The following COL26A1 variants were observed in gnomAD, a reference collection of about 807,000 sequenced individuals.
The protein encoded by COL26A1 is collagen type XXVI alpha 1 chain, also known as collagen alpha-1(XXVI) chain.
Under a neutral mutation model 59.3 loss-of-function variants are expected in COL26A1, and 41 were observed. The observed-to-expected ratio is 0.69, with a 90% CI of 0.54 to 0.90. The LOEUF (loss-of-function observed/expected upper bound fraction) is 0.90, where lower values mean the gene tolerates loss of function less well. COL26A1 is among the 40% of genes least tolerant of loss of function. COL26A1 has a pLI of 0.00. For missense variants in COL26A1, 612 were observed against 602.3 expected, an observed-to-expected ratio of 1.02 and a Z score of -0.17; for synonymous variants, 266 against 256.0, an observed-to-expected ratio of 1.04 and a Z score of -0.37.
At chr7:101,432,200 G>A (rs1221824231) in intron 2 of COL26A1, among the ~76,000 whole-genome samples, 1 of 152,050 alleles carries the variant, frequency 6.6e-6, no homozygotes, top group Non-Finnish European at 1.5e-5. Context: ...GACCTCAGGT[G>A]ATCCACCCGC....
intron 2 of COL26A1, among the ~76,000 whole-genome samples, chr7:101,437,736 C>T (rs1175698301): frequency 3.4e-5 from 5 of 147,494 alleles, no homozygotes; most frequent in Non-Finnish European, 7.4e-5. Flanking sequence ...CACTACACCC[C>T]ACTAATTTTT....
intron 3 of COL26A1, among the ~76,000 whole-genome samples, chr7:101,464,700 C>T (rs112399769): frequency 0.039 from 6,005 of 152,092 alleles, 187 homozygotes; most frequent in Middle Eastern, 0.061. Context: ...CTTGAGCTAC[C>T]GTGCCCGGCC....
At chr7:101,369,356 G>A (rs1791128801) in intron 1 of COL26A1, among the ~76,000 whole-genome samples, 1 of 151,096 alleles carries the variant, frequency 6.6e-6, no homozygotes, top group Non-Finnish European at 1.5e-5. Flanking sequence ...GCAGTGAGCT[G>A]AGATCACGTC....
intron 3 of COL26A1, among the ~76,000 whole-genome samples, chr7:101,518,249 C>A (rs1400753596): frequency 6.6e-6 from 1 of 152,176 alleles, no homozygotes; most frequent in African/African-American, 2.4e-5. Flanking sequence ...TGAGCCTTGA[C>A]CAGTGGGTGC....
intron 1 of COL26A1, among the ~76,000 whole-genome samples, chr7:101,364,569 T>G (rs1264105281): frequency 3.4e-5 from 1 of 29,802 alleles, no homozygotes; most frequent in East Asian, 1.8e-3. Context: ...TTGTGCTTTC[T>G]TTCTTTTTTT....
intron 1 of COL26A1, among the ~76,000 whole-genome samples, chr7:101,374,439 AGTGATAG>A (rs1290095521): frequency 5.3e-5 from 8 of 152,200 alleles, no homozygotes; most frequent in Non-Finnish European, 1.2e-4. Flanking sequence ...GCAGGAGGTG[AGTGATAG>A]GCGAAAAAGC....
intron 1 of COL26A1, among the ~76,000 whole-genome samples, chr7:101,411,037 G>C (rs1486607344): frequency 1.3e-5 from 2 of 152,206 alleles, no homozygotes; most frequent in East Asian, 3.9e-4. Flanking sequence ...GTGAGGGCAG[G>C]TGTGGTGCTG....
At chr7:101,489,550 C>T (rs986286176) in intron 3 of COL26A1, among the ~76,000 whole-genome samples, 2 of 152,158 alleles carry the variant, frequency 1.3e-5, no homozygotes, top group African/African-American at 4.8e-5. Context: ...CCTTCCTCAG[C>T]CTCCTAAGTA....
intron 7 of COL26A1, 82 bp from the exon 8 acceptor site, chr7:101,547,074 C>G: frequency 5.1e-6 from 5 of 988,240 alleles, no homozygotes; most frequent in Non-Finnish European, 7.5e-6. Flanking sequence ...TGGCCTGGCT[C>G]AGGGCTCAGT....
At chr7:101,374,352 T>C (rs1791260699) in intron 1 of COL26A1, among the ~76,000 whole-genome samples, 1 of 152,150 alleles carries the variant, frequency 6.6e-6, no homozygotes, top group Non-Finnish European at 1.5e-5. Flanking sequence ...GAGTGATCTA[T>C]GTAAAGCAGG....
At chr7:101,422,311 C>CAAAAAAAAAA (rs112095038) in intron 2 of COL26A1, among the ~76,000 whole-genome samples, 2 of 59,082 alleles carry the variant, frequency 3.4e-5, no homozygotes, top group Non-Finnish European at 4.0e-5. Flanking sequence ...AACTCCATCT[C>CAAAAAAAAAA]AAAAAAAAAA....
chr7:101,410,110 G>T (rs1196534782), intron 1 of COL26A1, among the ~76,000 whole-genome samples: 1 of 152,052 alleles, frequency 6.6e-6, no homozygotes, highest in Non-Finnish European at 1.5e-5. Context: ...CTAGGGAATG[G>T]GTGCTACTGA....
intron 3 of COL26A1, among the ~76,000 whole-genome samples, chr7:101,489,999 C>T (rs1306310347): frequency 2.0e-5 from 3 of 149,196 alleles, no homozygotes; most frequent in Non-Finnish European, 4.4e-5. Context: ...TGCAATGGCC[C>T]GATCTCGGCT....
chr7:101,429,474 G>A (rs911418532), intron 2 of COL26A1, among the ~76,000 whole-genome samples: 4 of 150,836 alleles, frequency 2.7e-5, no homozygotes, highest in Non-Finnish European at 1.5e-5. Flanking sequence ...ATTGATCTGT[G>A]TAACTAGTGT....
At chr7:101,549,899 T>G (rs1048578639) in intron 9 of COL26A1, among the ~76,000 whole-genome samples, 1 of 152,098 alleles carries the variant, frequency 6.6e-6, no homozygotes, top group Admixed American at 6.5e-5. Context: ...GAATTGCCCA[T>G]GGGGAGGCGG....
intron 1 of COL26A1, among the ~76,000 whole-genome samples, chr7:101,412,469 AC>A (rs1369674222): frequency 6.6e-6 from 1 of 151,828 alleles, no homozygotes; most frequent in Non-Finnish European, 1.5e-5. Flanking sequence ...ATATGGTGAA[AC>A]CCCCTCTCTA....
chr7:101,498,155 T>C (rs1489199889), intron 3 of COL26A1, among the ~76,000 whole-genome samples: 1 of 152,188 alleles, frequency 6.6e-6, no homozygotes, highest in Non-Finnish European at 1.5e-5. Flanking sequence ...ACTGGCCAGT[T>C]TGGCTATTGT....
At chr7:101,380,322 GTCTC>G (rs1472857358) in intron 1 of COL26A1, among the ~76,000 whole-genome samples, 2 of 139,308 alleles carry the variant, frequency 1.4e-5, no homozygotes, top group Non-Finnish European at 3.1e-5. Flanking sequence ...TTGAAACAGA[GTCTC>G]TCTCTGTCGC....
Position 101,544,074 on chromosome 7 carries a change from G to C in COL26A1, c.681G>C (p.Glu227Asp), listed in dbSNP as rs1795676526. The change falls in exon 6 of 13, where the codon GAG becomes GAC. Residue 227 changes from glutamate (E) to aspartate (D), a missense_variant. Coordinates refer to ENST00000313669, the MANE Select transcript of COL26A1 (RefSeq NM_001278563.3). ...GSKGDRGQTG[E>D]KGPAGPPGLL... ...AAGGTGACCGAGGCCAGACAGGAGAGAAGGGTCCAGCGGGGCCGCCTGGTA... is the reference window on the plus strand; with the variant it reads ...AAGGTGACCGAGGCCAGACAGGAGACAAGGGTCCAGCGGGGCCGCCTGGTA... 1 of 1,605,578 alleles carries C rather than the reference G, an allele frequency of 6.2e-7. No individual in the cohort carries two copies. Among genetic ancestry groups the C allele is most frequent in the East Asian group, 2.2e-5 (1 of 44,664 alleles).
Sources: gnomAD v4.1 joint callset for allele counts (sites outside exome capture counted in the v4.1 genomes callset) on GRCh38, gnomAD v4.1.1 for gene constraint, MANE v1.5 for transcripts, NCBI Gene and HGNC (gene_info 2026-07-23, HGNC 2026-07-21) for gene names.